Variants in ZNF581 observed in about 807,000 individuals in gnomAD.
ZNF581 encodes zinc finger protein 581.
Under a neutral mutation model 1.2 loss-of-function variants are expected in ZNF581, and 1 was observed. That is an observed-to-expected ratio of 0.83 (90% CI 0.30 to 3.95). ZNF581 has a LOEUF of 3.95. Among genes scored for constraint, ZNF581 ranks in the 30% most tolerant of loss-of-function variants. The pLI is 0.18. For missense variants in ZNF581, 273 were observed against 274.6 expected (o/e 0.99, Z 0.04); for synonymous variants, 105 against 109.2 (o/e 0.96, Z 0.24).
upstream of ZNF581, chr19:55,640,381 T>A: frequency 1.0e-6 from 1 of 985,494 alleles, no homozygotes; most frequent in Non-Finnish European, 1.2e-6. Context: ...AGTGCCAGCC[T>A]TTCCCACCTC....
In ZNF581 at chr19:55,644,416, G is replaced by A. The variant is rs944692192; in HGVS notation, c.-19-137G>A. ...GGGGCCACAGACTCCAGCTGTGAGC[G>A]GGACTGGAAAAGAGGGACTGAGGGG... is the stretch of plus-strand genomic sequence containing the variant. On this transcript the variant is annotated intron_variant, in intron 1 of 1. Transcript: ENST00000270451. This position sits in a 1 kb window ranked among gnomAD's most constrained non-coding sequence, Gnocchi z 4.3. 3.5e-5 allele frequency: 22 copies of A among 623,278 alleles called. No homozygotes were observed. Among genetic ancestry groups the A allele is most frequent in the African/African-American group, 5.5e-5 (3 of 54,256 alleles). 38.6% of individuals were successfully genotyped at this position (623,278 alleles called of 1,614,324 possible).
At chr19:55,642,243 G>A (rs1394706482), upstream of ZNF581, 2 of 1,219,842 alleles carry the variant, frequency 1.6e-6, no homozygotes, top group Non-Finnish European at 2.0e-6. Flanking sequence ...CCTGACCTGA[G>A]TGGTGAGAGG....
At chr19:55,641,120 G>C, upstream of ZNF581, 1 of 985,416 alleles carries the variant, frequency 1.0e-6, no homozygotes, top group South Asian at 4.7e-5. Context: ...CGCTCGCCAG[G>C]GGAAGCCCGG....
chr19:55,640,356 G>C (rs1356920921), upstream of ZNF581: 2 of 985,382 alleles, frequency 2.0e-6, no homozygotes, highest in African/African-American at 1.7e-5. Context: ...CAGGCTTCCA[G>C]TGGGCCCCGT....
At chr19:55,642,512 C>G, upstream of ZNF581, 1 of 1,430,444 alleles carries the variant, frequency 7.0e-7, no homozygotes, top group Non-Finnish European at 9.2e-7. Context: ...GCTCCAGATG[C>G]TGCTGCTGCC....
upstream of ZNF581, chr19:55,640,951 C>CG: frequency 1.0e-6 from 1 of 985,366 alleles, no homozygotes; most frequent in South Asian, 4.7e-5. Context: ...GTGGGAGCGC[C>CG]GGCTCCAGGC....
chr19:55,643,245 C>T (rs2123632705), upstream of ZNF581: 1 of 717,832 alleles, frequency 1.4e-6, no homozygotes, highest in East Asian at 3.5e-5. Context: ...CTCCCTGGGC[C>T]TGGGAACCAG....
upstream of ZNF581, chr19:55,642,698 A>G: frequency 2.0e-6 from 3 of 1,485,084 alleles, no homozygotes; most frequent in Non-Finnish European, 2.7e-6. Flanking sequence ...GGTCCCCTAC[A>G]CATACACGGT....
chr19:55,642,495 A>C, upstream of ZNF581: 1 of 1,427,664 alleles, frequency 7.0e-7, no homozygotes, highest in Middle Eastern at 1.9e-4. Flanking sequence ...CGCCGCTCCC[A>C]GCTGCCGCTC....
upstream of ZNF581, chr19:55,640,735 C>T (rs908639587): frequency 2.0e-6 from 2 of 985,356 alleles, no homozygotes; most frequent in Admixed American, 6.1e-5. Context: ...GCAGCGACGG[C>T]CCAGTGGAAA....
Sources: allele counts gnomAD v4.1 joint callset, GRCh38; gene constraint gnomAD v4.1.1; non-coding constraint Gnocchi (gnomAD v3.1); transcripts MANE v1.5; gene names NCBI Gene and HGNC (gene_info 2026-07-23, HGNC 2026-07-21).